ERCC6: variants seen among roughly 807,000 people sequenced by gnomAD.
ERCC6 encodes ERCC excision repair 6, chromatin remodeling factor, also known as DNA excision repair protein ERCC-6.
In ERCC6, 116 loss-of-function variants were observed where a neutral mutation model predicts 158.7. The observed-to-expected ratio is 0.73, with a 90% CI of 0.63 to 0.85. ERCC6 has a LOEUF of 0.85. Among genes scored for constraint, ERCC6 ranks in the 40% least tolerant of loss-of-function variants. ERCC6 has a pLI of 0.00. For synonymous variants in ERCC6, 678 were observed against 659.3 expected (o/e 1.03, Z -0.43); for missense variants, 1,698 against 1,799.4 (o/e 0.94, Z 1.02).
At chr10:49,443,399 A>G in the ERCC6 span, among the ~76,000 whole-genome samples, 2 of 152,250 alleles carry the variant, frequency 1.3e-5, no homozygotes, top group Non-Finnish European at 2.9e-5. Flanking sequence ...TCAGTCAATC[A>G]TGGATGGAAT....
rs200079929 is a variant in ERCC6 at position 49,474,228 on chromosome 10, A to G, written c.2397T>C (p.Leu799=). ...LNGEMQIFSG[L]IALRKICNHP... ...GGTTGCAAATTTTTCTTAGGGCTATAAGTCCGGAGAAAATCTGTGGTAAGA... is the reference window on the plus strand; with the variant it reads ...GGTTGCAAATTTTTCTTAGGGCTATGAGTCCGGAGAAAATCTGTGGTAAGA... Residue 799 remains leucine (L), a synonymous_variant, in exon 13 of 21, where the codon CTT becomes CTC. Transcript: ENST00000355832. 77 of 1,613,946 alleles carry G rather than the reference A, an allele frequency of 4.8e-5. No individual in the cohort carries two copies. In the East Asian group the frequency reaches 1.6e-3, roughly 35 times the overall value.
chr10:49,452,901 T>C (rs1189726906), downstream of ERCC6, among the ~76,000 whole-genome samples: 1 of 152,154 alleles, frequency 6.6e-6, no homozygotes, highest in Non-Finnish European at 1.5e-5. Flanking sequence ...CTTATGGCAA[T>C]TGTTTGCACT....
Position 49,510,517 on chromosome 10 carries a change from C to T in ERCC6, c.1398-4505G>A, listed in dbSNP as rs531699603. On this transcript the variant is annotated intron_variant, in intron 5 of 20. Transcript: ENST00000355832. ...AGCCAGACTTAGGTGTCCTGTCTTC[C>T]AAGGGCCCTCCCAATCCCGTGACAT... 3.3e-5 allele frequency among the ~76,000 whole-genome samples: 5 copies of T among 152,248 alleles called. No homozygotes were observed. In the South Asian group the frequency reaches 1.0e-3, roughly 32 times the overall value.
chr10:49,451,923 T>C (rs1850424556), downstream of ERCC6, among the ~76,000 whole-genome samples: 1 of 152,172 alleles, frequency 6.6e-6, no homozygotes, highest in Non-Finnish European at 1.5e-5. Context: ...TAGTTATAGG[T>C]CTATTCAGAT....
intron 5 of ERCC6, among the ~76,000 whole-genome samples, chr10:49,512,137 C>G (rs1230852462): frequency 6.6e-6 from 1 of 152,142 alleles, no homozygotes; most frequent in Non-Finnish European, 1.5e-5. Context: ...CTTGAGCCAG[C>G]AGGAGCTCAG....
chr10:49,470,504 A>C lies in ERCC6; in HGVS notation c.3456T>G (p.Gly1152=), dbSNP rs148366188. 1.3e-3 allele frequency: 2,103 copies of C among 1,614,132 alleles called. 2 individuals carry two copies. The highest frequency in any genetic ancestry group is 3.0e-3 in the Admixed American group (183 of 60,024). ...SGDESIDEKL[G]LSYKRERPSQ... ...TGGGTCTTTCTCTTTTGTAAGAAAG[A>C]CCTAACTTTTCATCAATGCTTTCAT... is the stretch of plus-strand genomic sequence containing the variant. The change falls in exon 18 of 21, where the codon GGT becomes GGG. Residue 1152 remains glycine, a synonymous_variant. Coordinates refer to ENST00000355832, the MANE Select transcript of ERCC6 (RefSeq NM_000124.4).
At chr10:49,488,449 A>T (rs1414771508) in intron 8 of ERCC6, 3 of 152,210 alleles carry the variant, frequency 2.0e-5, no homozygotes, top group Non-Finnish European at 4.4e-5. Context: ...CAATAAGAAA[A>T]AAAAGGGCTC....
intron 5 of ERCC6, chr10:49,515,739 A>C: frequency 6.2e-7 from 1 of 1,614,168 alleles, no homozygotes; most frequent in Non-Finnish European, 8.5e-7. Flanking sequence ...GCCTCCCATG[A>C]ACTGGTTATA....
downstream of ERCC6, among the ~76,000 whole-genome samples, chr10:49,452,652 T>G (rs1281145440): frequency 6.6e-6 from 1 of 152,170 alleles, no homozygotes; most frequent in Non-Finnish European, 1.5e-5. Flanking sequence ...TGTCTAGTTT[T>G]GTCCATTACT....
the ERCC6 span, among the ~76,000 whole-genome samples, chr10:49,440,919 T>A: frequency 6.6e-6 from 1 of 152,142 alleles, no homozygotes; most frequent in African/African-American, 2.4e-5. Context: ...AACCCTGGAA[T>A]GGGTGGAATG....
At chr10:49,475,142 C>T (rs535169579) in intron 12 of ERCC6, among the ~76,000 whole-genome samples, 98 of 152,274 alleles carry the variant, frequency 6.4e-4, no homozygotes, top group African/African-American at 2.2e-3. Context: ...TCACACGTGG[C>T]TACTGAGCAC....
intron 1 of ERCC6, among the ~76,000 whole-genome samples, chr10:49,536,955 C>T (rs1429625591): frequency 6.6e-6 from 1 of 152,166 alleles, no homozygotes; most frequent in Non-Finnish European, 1.5e-5. Flanking sequence ...CAAGAAGTCA[C>T]TTAGTATCTG....
In ERCC6 at chr10:49,482,726, G is replaced by A. The variant is rs2132551656; in HGVS notation, c.2130C>T (p.Pro710=). The part of the protein sequence containing the change: ...LPVFMEQFSV[P]ITMGGYSNAS... The stretch of plus-strand genomic sequence containing the variant: ...CATTTGAATATCCCCCCATGGTGAT[G>A]GGGACGGAGAACTGCTCCATAAACA... The change falls in exon 10 of 21, where the codon CCC becomes CCT. Residue 710 remains proline (P), a synonymous_variant. Transcript: ENST00000355832. 3.7e-6 allele frequency: 6 copies of A among 1,613,754 alleles called. No homozygotes were observed. Among genetic ancestry groups the A allele is most frequent in the Non-Finnish European group, 5.1e-6 (6 of 1,179,938 alleles).
chr10:49,519,975 C>T (rs1331038179), intron 5 of ERCC6, among the ~76,000 whole-genome samples: 1 of 152,202 alleles, frequency 6.6e-6, no homozygotes, highest in African/African-American at 2.4e-5. Flanking sequence ...CTGACACACA[C>T]ACCCCACAAG....
chr10:49,478,654 G>T (rs1247887800), intron 10 of ERCC6, among the ~76,000 whole-genome samples, 184 bp from the exon 11 acceptor site: 1 of 151,994 alleles, frequency 6.6e-6, no homozygotes, highest in Non-Finnish European at 1.5e-5. Flanking sequence ...ACTCCAAGGG[G>T]TGGTAGCTTT....
At position 49,458,566 on chromosome 10, in the gene ERCC6, A is replaced by C; in HGVS notation, c.*249T>G. The C allele has an allele frequency of 2.0e-6, 1 of 489,286 alleles. No individual in the cohort carries two copies. The highest frequency in any genetic ancestry group is 2.3e-5 in the South Asian group (1 of 43,306). The allele number at this position is 489,286 out of a possible 1,614,324, so 30.3% of individuals were successfully genotyped here. On this transcript the variant is annotated 3_prime_UTR_variant, in exon 21 of 21. Transcript: ENST00000355832. Reference sequence around the variant, plus strand: ...AGTAACTGTTAGGTACCTGATTTACAATATAATTAGATTGCCAAAAAAAAA... The same window carrying C: ...AGTAACTGTTAGGTACCTGATTTACCATATAATTAGATTGCCAAAAAAAAA...
rs984062713 is a variant in ERCC6, at chr10:49,457,216, G to C, written c.*1599C>G. On this transcript the variant is annotated 3_prime_UTR_variant, in exon 21 of 21. Coordinates refer to ENST00000355832, the MANE Select transcript of ERCC6 (RefSeq NM_000124.4). ...ACTTTCTTCTAAGCCAAGTACTCAAGTTTAAGACTTATTGGCCTATTTAAA... is the reference window on the plus strand; with the variant it reads ...ACTTTCTTCTAAGCCAAGTACTCAACTTTAAGACTTATTGGCCTATTTAAA... The C allele has an allele frequency of 1.3e-5, 2 of 152,198 alleles. No individual in the cohort carries two copies. The highest frequency in any genetic ancestry group is 4.8e-5 in the African/African-American group (2 of 41,462). 9.4% of individuals were successfully genotyped at this position (152,198 alleles called of 1,614,324 possible).
chr10:49,507,623 G>A (rs1425328503), intron 5 of ERCC6, among the ~76,000 whole-genome samples: 2 of 152,074 alleles, frequency 1.3e-5, no homozygotes, highest in Non-Finnish European at 2.9e-5. Flanking sequence ...TAAATGCAAT[G>A]GTGTACAACA....
intron 4 of ERCC6, among the ~76,000 whole-genome samples, chr10:49,527,482 T>C (rs988165808): frequency 5.9e-5 from 9 of 152,104 alleles, no homozygotes; most frequent in Non-Finnish European, 1.2e-4. Flanking sequence ...CGAGACCAGC[T>C]TGGCTAACAT....
Sources: allele counts gnomAD v4.1 joint callset (sites outside exome capture counted in the v4.1 genomes callset), GRCh38; gene constraint gnomAD v4.1.1; transcripts MANE v1.5; gene names NCBI Gene and HGNC (gene_info 2026-07-23, HGNC 2026-07-21).